Variants in LSM14A observed in about 807,000 individuals in gnomAD.
LSM14A encodes the protein protein LSM14 homolog A.
Under a neutral mutation model 52.4 loss-of-function variants are expected in LSM14A, and 14 were observed. The observed-to-expected ratio is 0.27, with a 90% CI of 0.18 to 0.42. The LOEUF (loss-of-function observed/expected upper bound fraction) is 0.42, where lower values mean the gene tolerates loss of function less well. LSM14A is among the 10% of genes least tolerant of loss of function. The pLI is 1.00. For synonymous variants in LSM14A, 185 were observed against 200.3 expected (o/e 0.92, Z 0.64); for missense variants, 417 against 581.8 (o/e 0.72, Z 2.91).
intron 1 of LSM14A, among the ~76,000 whole-genome samples, chr19:34,185,130 A>G (rs2069797467): frequency 1.3e-5 from 2 of 152,182 alleles, no homozygotes; most frequent in South Asian, 4.1e-4. Context: ...GGGTTTTTTC[A>G]GTCGAAGATG....
At chr19:34,201,871 G>C (rs1314422430) in intron 3 of LSM14A, among the ~76,000 whole-genome samples, 6 of 151,932 alleles carry the variant, frequency 3.9e-5, no homozygotes, top group African/African-American at 1.5e-4. Context: ...ATCCAGGCTG[G>C]AGTACAGTGG....
chr19:34,202,812 G>A (rs1024576139), intron 3 of LSM14A, among the ~76,000 whole-genome samples: 2 of 151,910 alleles, frequency 1.3e-5, no homozygotes, highest in African/African-American at 4.8e-5. Context: ...CCGCCACCAC[G>A]CCCGGGTAAT....
rs1306000214 is a variant in LSM14A at position 34,192,316 on chromosome 19, G to GTTTTTTTTTTTTTTTTTTTTTTT, written c.122-2160_122-2159insTTTTTTTTTTTTTTTTTTTTTTT. Among the ~76,000 whole-genome samples the GTTTTTTTTTTTTTTTTTTTTTTT allele has an allele frequency of 2.9e-4, 19 of 65,782 alleles. 2 individuals carry two copies. Among genetic ancestry groups the GTTTTTTTTTTTTTTTTTTTTTTT allele is most frequent in the Non-Finnish European group, 3.8e-4 (13 of 34,550 alleles). The allele number at this position is 65,782 out of a possible 152,430, so 43.2% of individuals were successfully genotyped here. A position where few individuals can be genotyped will look rare whatever the true frequency, so the allele number is the denominator to read the frequency against. ...TTTACACTGAAATAACATTCTTTTTGTTGTTTTTTTTTTTTTTTTTTTTTT... is the reference window on the plus strand; with the variant it reads ...TTTACACTGAAATAACATTCTTTTTGTTTTTTTTTTTTTTTTTTTTTTTTTGTTTTTTTTTTTTTTTTTTTTTT... On this transcript the variant is annotated intron_variant, in intron 1 of 9. Transcript: ENST00000544216.
At chr19:34,174,442 A>G (rs1292422350) in intron 1 of LSM14A, among the ~76,000 whole-genome samples, 2 of 152,254 alleles carry the variant, frequency 1.3e-5, no homozygotes, top group African/African-American at 2.4e-5. Flanking sequence ...TAAAAGTAGT[A>G]TGAAAAACCA....
intron 3 of LSM14A, among the ~76,000 whole-genome samples, chr19:34,201,587 C>T (rs534981502): frequency 1.9e-3 from 292 of 152,228 alleles, no homozygotes; most frequent in Non-Finnish European, 2.9e-3. Flanking sequence ...TTGATCCGCC[C>T]GCCTCAGCCT....
chr19:34,188,935 T>C (rs1459746055), intron 1 of LSM14A, among the ~76,000 whole-genome samples: 12 of 152,086 alleles, frequency 7.9e-5, no homozygotes, highest in Admixed American at 6.6e-4. Context: ...AATGCTGATA[T>C]AAACATTTGT....
chr19:34,226,533 G>C, intron 9 of LSM14A: 1 of 1,303,920 alleles, frequency 7.7e-7, no homozygotes, highest in Non-Finnish European at 1.0e-6. Flanking sequence ...TCATCTTGTA[G>C]CTCATTGCTG....
intron 1 of LSM14A, among the ~76,000 whole-genome samples, chr19:34,193,571 T>A (rs2070624669): frequency 1.3e-5 from 2 of 152,184 alleles, no homozygotes; most frequent in Non-Finnish European, 2.9e-5. Context: ...CCAGTTTAAC[T>A]TTGAGTAATG....
intron 1 of LSM14A, among the ~76,000 whole-genome samples, chr19:34,190,198 G>T (rs1199148921): frequency 6.6e-6 from 1 of 151,950 alleles, no homozygotes; most frequent in Non-Finnish European, 1.5e-5. Context: ...TTCTAGCCAC[G>T]TGTGCCCTTC....
At chr19:34,192,316 G>GTTTTTTTTTTTTTTTTTTTTTTTT (rs1306000214) in intron 1 of LSM14A, among the ~76,000 whole-genome samples, 16 of 65,774 alleles carry the variant, frequency 2.4e-4, no homozygotes, top group Non-Finnish European at 3.5e-4. Context: ...CATTCTTTTT[G>GTTTTTTTTTTTTTTTTTTTTTTTT]TTGTTTTTTT....
chr19:34,201,855 T>G (rs1279903260), intron 3 of LSM14A, among the ~76,000 whole-genome samples: 1 of 152,184 alleles, frequency 6.6e-6, no homozygotes, highest in Non-Finnish European at 1.5e-5. Flanking sequence ...AGGGTCTCTT[T>G]CTGTCATCCA....
At chr19:34,192,001 T>C (rs2070413467) in intron 1 of LSM14A, among the ~76,000 whole-genome samples, 1 of 18,858 alleles carries the variant, frequency 5.3e-5, no homozygotes, top group African/African-American at 2.2e-4. Flanking sequence ...AAGATGCTAG[T>C]CAAAATTTCT....
At chr19:34,204,597 T>C (rs1023576465) in intron 3 of LSM14A, among the ~76,000 whole-genome samples, 5 of 151,510 alleles carry the variant, frequency 3.3e-5, no homozygotes, top group African/African-American at 4.9e-5. Context: ...TACATACCTG[T>C]AGTCCTAGCA....
chr19:34,198,571 G>A (rs997095414), intron 3 of LSM14A, among the ~76,000 whole-genome samples: 2 of 152,126 alleles, frequency 1.3e-5, no homozygotes, highest in Admixed American at 6.5e-5. Flanking sequence ...AGCTGAGATC[G>A]TGCCATTGCA....
intron 1 of LSM14A, among the ~76,000 whole-genome samples, chr19:34,179,554 A>G (rs2069325384): frequency 6.6e-6 from 1 of 152,224 alleles, no homozygotes; most frequent in Non-Finnish European, 1.5e-5. Flanking sequence ...CATAGTCCGC[A>G]GAAATACTTG....
intron 1 of LSM14A, among the ~76,000 whole-genome samples, chr19:34,193,336 T>TTATG (rs1344433193): frequency 3.3e-5 from 5 of 151,878 alleles, no homozygotes; most frequent in Admixed American, 2.0e-4. Context: ...AAATGTTTAT[T>TTATG]TTTTTGTAGA....
intron 3 of LSM14A, among the ~76,000 whole-genome samples, chr19:34,198,953 C>T (rs554805817): frequency 6.6e-6 from 1 of 151,858 alleles, no homozygotes; most frequent in Admixed American, 6.5e-5. Context: ...TACCACTGCA[C>T]TCCAGCCTGG....
rs1424359105 is a variant in LSM14A at position 34,228,206 on chromosome 19, G to A, written c.*818G>A. On this transcript the variant is annotated 3_prime_UTR_variant, in exon 10 of 10. Transcript: ENST00000544216. ...TTTTGATTTTGTTTTTTAATGTTTG[G>A]AACATAAATGAAGATTTGATACATT... is the stretch of plus-strand genomic sequence containing the variant. The A allele has an allele frequency of 6.6e-6, 1 of 152,412 alleles. No individual in the cohort carries two copies. The highest frequency in any genetic ancestry group is 1.5e-5 in the Non-Finnish European group (1 of 68,006). The allele number at this position is 152,412 out of a possible 1,614,324, so 9.4% of individuals were successfully genotyped here.
At chr19:34,222,355 C>T (rs1568503127) in intron 9 of LSM14A, among the ~76,000 whole-genome samples, 1 of 152,172 alleles carries the variant, frequency 6.6e-6, no homozygotes, top group Non-Finnish European at 1.5e-5. Context: ...ATATATTGGC[C>T]TTCAGGAGCT....
Sources: gnomAD v4.1 joint callset for allele counts (sites outside exome capture counted in the v4.1 genomes callset) on GRCh38, gnomAD v4.1.1 for gene constraint, MANE v1.5 for transcripts, NCBI Gene and HGNC (gene_info 2026-07-23, HGNC 2026-07-21) for gene names.